FOXP2: variants seen among roughly 807,000 people sequenced by gnomAD.
The protein encoded by FOXP2 is forkhead box protein P2.
In FOXP2, 12 loss-of-function variants were observed where a neutral mutation model predicts 115.8. The ratio of observed to expected loss-of-function variants is 0.10; its 90% confidence interval spans 0.07 to 0.17. FOXP2 has a LOEUF of 0.17. Ranked by LOEUF, FOXP2 falls within the 10% of genes least tolerant of loss-of-function variation. FOXP2 has a pLI of 1.00. For missense variants in FOXP2, 629 were observed against 843.5 expected (o/e 0.75, Z 3.15); for synonymous variants, 328 against 297.7 (o/e 1.10, Z -1.05).
intron 3 of FOXP2, among the ~76,000 whole-genome samples, chr7:114,538,929 T>G (rs1799522651): frequency 6.6e-6 from 1 of 151,884 alleles, no homozygotes; most frequent in African/African-American, 2.4e-5. Flanking sequence ...CTGAGGAAGC[T>G]TTGTTTTGTT....
At chr7:114,098,315 C>T (rs1799697201) in intron 1 of FOXP2, among the ~76,000 whole-genome samples, 1 of 152,124 alleles carries the variant, frequency 6.6e-6, no homozygotes, top group African/African-American at 2.4e-5. Context: ...ATCACATTTC[C>T]TGATTTAAAA....
At chr7:114,090,858 T>C (rs912800477) in intron 1 of FOXP2, among the ~76,000 whole-genome samples, 1 of 151,594 alleles carries the variant, frequency 6.6e-6, no homozygotes, top group African/African-American at 2.4e-5. Context: ...TGCTTTCTTA[T>C]GGAGGTATTC....
At chr7:114,147,957 C>T (rs1364900367) in intron 1 of FOXP2, among the ~76,000 whole-genome samples, 1 of 152,124 alleles carries the variant, frequency 6.6e-6, no homozygotes, top group Non-Finnish European at 1.5e-5. Flanking sequence ...CTTCTGGAAG[C>T]TCTTCTTTTT....
intron 1 of FOXP2, among the ~76,000 whole-genome samples, chr7:114,270,090 G>T (rs2129172671): frequency 6.6e-6 from 1 of 152,240 alleles, no homozygotes; most frequent in African/African-American, 2.4e-5. Context: ...GCAAAGAAAT[G>T]AGCATTCTTT....
rs535652512 is a variant in FOXP2, at chr7:114,285,017, C to T, written c.-101-3002C>T. 4.2e-4 allele frequency among the ~76,000 whole-genome samples: 64 copies of T among 152,076 alleles called. 1 individual carries two copies. The Middle Eastern group carries it at 0.017, about 41-fold the overall frequency. On this transcript the variant is annotated intron_variant, in intron 1 of 17. Coordinates refer to the FOXP2 transcript ENST00000634411. ...GCATAAAGGGGAACAACAGATACTG[C>T]GGCCTACCAAAGGGTTGAGGGTGGG...
chr7:114,475,253 G>C (rs1796207501), intron 2 of FOXP2, among the ~76,000 whole-genome samples: 1 of 152,074 alleles, frequency 6.6e-6, no homozygotes, highest in Non-Finnish European at 1.5e-5. Context: ...ATGTGCAAAT[G>C]TGAGTCCGTT....
intron 3 of FOXP2, among the ~76,000 whole-genome samples, chr7:114,541,225 G>C (rs1799645640): frequency 6.6e-6 from 1 of 152,016 alleles, no homozygotes; most frequent in Admixed American, 6.6e-5. Context: ...AGACTAAAGA[G>C]AAACATTTGG....
chr7:114,686,335 G>A (rs2129352612), intron 16 of FOXP2, among the ~76,000 whole-genome samples: 1 of 152,158 alleles, frequency 6.6e-6, no homozygotes, highest in South Asian at 2.1e-4. Context: ...ACCATGCCCA[G>A]CTAATTTTTG....
chr7:114,648,102 A>T (rs1014645679), intron 8 of FOXP2, among the ~76,000 whole-genome samples: 22 of 152,012 alleles, frequency 1.4e-4, no homozygotes, highest in African/African-American at 5.3e-4. Flanking sequence ...ATTTAATAGA[A>T]ATTTGTCTTC....
At chr7:114,671,211 G>A (rs1404902587) in intron 16 of FOXP2, among the ~76,000 whole-genome samples, 1 of 151,346 alleles carries the variant, frequency 6.6e-6, no homozygotes, top group Admixed American at 6.6e-5. Context: ...TTTTTTAAGT[G>A]CTACAAGTGT....
At chr7:114,242,303 A>C (rs1795176171) in intron 1 of FOXP2, among the ~76,000 whole-genome samples, 2 of 152,112 alleles carry the variant, frequency 1.3e-5, no homozygotes, top group Admixed American at 1.3e-4. Context: ...GGTCTAATTC[A>C]TAAACTTAGG....
At chr7:114,637,697 G>A (rs889695746) in intron 6 of FOXP2, among the ~76,000 whole-genome samples, 5 of 152,074 alleles carry the variant, frequency 3.3e-5, no homozygotes, top group East Asian at 1.9e-4. Flanking sequence ...AGTGGTGAGC[G>A]CTAAGGAGAG....
At chr7:114,552,006 A>C (rs1218737873) in intron 3 of FOXP2, among the ~76,000 whole-genome samples, 1 of 152,206 alleles carries the variant, frequency 6.6e-6, no homozygotes, top group East Asian at 1.9e-4. Flanking sequence ...AATACAGAAA[A>C]CTATGAAGAA....
rs1792707842 is a variant in FOXP2 at position 114,157,777 on chromosome 7, G to GT, written c.-246-5166dup. 2.0e-5 allele frequency among the ~76,000 whole-genome samples: 3 copies of GT among 152,170 alleles called. No homozygotes were observed. In the South Asian group the frequency reaches 6.2e-4, roughly 32 times the overall value. ...AAAACATATTATATATTTGCAAAAG[G>GT]TATGTCTGGCATATTCTGTAAAGAT... On this transcript the variant is annotated intron_variant, in intron 1 of 19. Transcript: ENST00000635638.
intron 1 of FOXP2, among the ~76,000 whole-genome samples, chr7:114,239,785 A>G (rs1354147147): frequency 1.3e-5 from 2 of 152,222 alleles, no homozygotes; most frequent in Non-Finnish European, 2.9e-5. Context: ...GTCTTCTACA[A>G]GGAACAGTCC....
At position 114,687,430 on chromosome 7, in the gene FOXP2, C is replaced by T. The variant is rs752064728; in HGVS notation, c.2004-2352C>T. 1.4e-4 allele frequency among the ~76,000 whole-genome samples: 21 copies of T among 152,300 alleles called. No individual in the cohort carries two copies. The Middle Eastern group carries it at 0.01, about 74-fold the overall frequency. On this transcript the variant is annotated intron_variant, in intron 16 of 16. Coordinates refer to ENST00000350908, the MANE Select transcript of FOXP2 (RefSeq NM_014491.4). Reference sequence around the variant, plus strand: ...ATACATAGTACACATTTATTTCTGACTTCATAATGCTTGCTACTCATTAAA... The same window carrying T: ...ATACATAGTACACATTTATTTCTGATTTCATAATGCTTGCTACTCATTAAA...
intron 2 of FOXP2, among the ~76,000 whole-genome samples, chr7:114,315,591 AAAG>A (rs1201545172): frequency 6.6e-6 from 1 of 151,658 alleles, no homozygotes; most frequent in Admixed American, 6.6e-5. Context: ...GTATTATAAA[AAAG>A]AAAATCACTA....
chr7:114,412,653 C>T (rs1245663308), upstream of FOXP2, among the ~76,000 whole-genome samples: 1 of 152,124 alleles, frequency 6.6e-6, no homozygotes, highest in African/African-American at 2.4e-5. Context: ...TTGACGTACC[C>T]CGATGCAGCT....
intron 1 of FOXP2, among the ~76,000 whole-genome samples, chr7:114,419,155 A>T (rs1793484511): frequency 6.6e-6 from 1 of 151,962 alleles, no homozygotes; most frequent in Admixed American, 6.6e-5. Context: ...AAGTATATGC[A>T]TGTATATACA....
Sources: allele counts gnomAD v4.1 joint callset (sites outside exome capture counted in the v4.1 genomes callset), GRCh38; gene constraint gnomAD v4.1.1; transcripts MANE v1.5; gene names NCBI Gene and HGNC (gene_info 2026-07-23, HGNC 2026-07-21).